Variants in SLC39A11 observed in about 807,000 individuals in gnomAD.
SLC39A11 encodes solute carrier family 39 member 11.
A neutral mutation model predicts 36.1 loss-of-function variants in SLC39A11; 33 were observed. The ratio of observed to expected loss-of-function variants is 0.91; its 90% CI spans 0.69 to 1.22. The LOEUF (loss-of-function observed/expected upper bound fraction) is 1.22. Among genes scored for constraint, SLC39A11 ranks in the 50% most tolerant of loss-of-function variants. SLC39A11 has a pLI of 0.00. For synonymous variants in SLC39A11, 166 were observed against 170.3 expected, an observed-to-expected ratio of 0.97 and a Z score of 0.20; for missense variants, 432 against 430.3, an observed-to-expected ratio of 1.00 and a Z score of -0.03.
chr17:72,945,778 G>A (rs559046219), intron 5 of SLC39A11, among the ~76,000 whole-genome samples: 1 of 152,294 alleles, frequency 6.6e-6, no homozygotes, highest in South Asian at 2.1e-4. Flanking sequence ...AGACCCAGCA[G>A]TACCCAGAGG....
intron 5 of SLC39A11, among the ~76,000 whole-genome samples, chr17:72,898,217 G>A (rs1356944509): frequency 6.6e-6 from 1 of 152,168 alleles, no homozygotes; most frequent in Non-Finnish European, 1.5e-5. Flanking sequence ...ATAGACACGT[G>A]GAAGGAAATG....
intron 4 of SLC39A11, among the ~76,000 whole-genome samples, chr17:72,988,149 T>C (rs79573398): frequency 6.6e-6 from 1 of 152,312 alleles, no homozygotes; most frequent in Non-Finnish European, 1.5e-5. Context: ...AATTACACTC[T>C]TTATTTTAAA....
intron 6 of SLC39A11, among the ~76,000 whole-genome samples, chr17:72,809,736 C>T (rs182833935): frequency 9.8e-5 from 15 of 152,292 alleles, no homozygotes; most frequent in Non-Finnish European, 1.5e-4. Flanking sequence ...GTCTGCTTAA[C>T]TATCCCAAGC....
At chr17:72,958,575 G>A (rs1478029058) in intron 4 of SLC39A11, among the ~76,000 whole-genome samples, 1 of 152,198 alleles carries the variant, frequency 6.6e-6, no homozygotes, top group Non-Finnish European at 1.5e-5. Flanking sequence ...AGATGGCCCG[G>A]CACAGTGGCT....
intron 6 of SLC39A11, among the ~76,000 whole-genome samples, chr17:72,804,733 A>G (rs2077196966): frequency 6.6e-6 from 1 of 152,172 alleles, no homozygotes; most frequent in Non-Finnish European, 1.5e-5. Flanking sequence ...GGTAAACTAA[A>G]TAATCTCCCG....
intron 5 of SLC39A11, among the ~76,000 whole-genome samples, chr17:72,870,020 T>TGTC (rs1555609635): frequency 5.9e-5 from 9 of 152,132 alleles, no homozygotes; most frequent in Non-Finnish European, 1.3e-4. Context: ...TTGCTTTTTT[T>TGTC]TTCTTCTTCT....
chr17:72,960,283 G>C (rs2086523369), intron 4 of SLC39A11, among the ~76,000 whole-genome samples: 1 of 152,118 alleles, frequency 6.6e-6, no homozygotes, highest in South Asian at 2.1e-4. Flanking sequence ...ATTAAAAAAT[G>C]ATTCAGTAGC....
intron 7 of SLC39A11, among the ~76,000 whole-genome samples, chr17:72,699,325 A>T (rs1279574391): frequency 6.6e-6 from 1 of 152,248 alleles, no homozygotes; most frequent in Non-Finnish European, 1.5e-5. Context: ...GAGTTTATGA[A>T]TTTGTGTTAG....
chr17:73,061,548 T>C (rs1440817580), intron 3 of SLC39A11, among the ~76,000 whole-genome samples: 1 of 152,238 alleles, frequency 6.6e-6, no homozygotes, highest in Admixed American at 6.5e-5. Context: ...TCAAATCACC[T>C]ATGATGACCT....
intron 6 of SLC39A11, among the ~76,000 whole-genome samples, chr17:72,820,471 C>T (rs1258011386): frequency 6.6e-6 from 1 of 151,194 alleles, no homozygotes; most frequent in East Asian, 1.9e-4. Context: ...CAGCTCAGAG[C>T]ACCCTCACAA....
At chr17:73,003,654 C>T (rs925542986) in intron 4 of SLC39A11, among the ~76,000 whole-genome samples, 1 of 152,094 alleles carries the variant, frequency 6.6e-6, no homozygotes, top group African/African-American at 2.4e-5. Flanking sequence ...GAGTCCTGGG[C>T]AGGACAATGA....
intron 6 of SLC39A11, among the ~76,000 whole-genome samples, chr17:72,748,564 A>C (rs2075034735): frequency 1.3e-5 from 2 of 152,238 alleles, no homozygotes; most frequent in African/African-American, 4.8e-5. Context: ...GCCTGACTCC[A>C]GCAGACTGCG....
intron 6 of SLC39A11, among the ~76,000 whole-genome samples, chr17:72,757,204 G>T (rs1268090620): frequency 6.6e-6 from 1 of 151,366 alleles, no homozygotes; most frequent in East Asian, 1.9e-4. Flanking sequence ...AAAATAAAAA[G>T]AAAAAAGTGG....
chr17:72,854,419 G>C (rs2079534793), intron 5 of SLC39A11, among the ~76,000 whole-genome samples: 1 of 152,094 alleles, frequency 6.6e-6, no homozygotes, highest in African/African-American at 2.4e-5. Context: ...AGCTCTCATT[G>C]CCTGTGACCA....
intron 4 of SLC39A11, among the ~76,000 whole-genome samples, chr17:72,967,048 C>T (rs1486421302): frequency 1.3e-5 from 2 of 152,094 alleles, no homozygotes; most frequent in East Asian, 1.9e-4. Flanking sequence ...GATCTGTCAC[C>T]GCCTCCCATC....
intron 5 of SLC39A11, among the ~76,000 whole-genome samples, chr17:72,915,426 G>A (rs576839778): frequency 6.6e-5 from 10 of 152,306 alleles, no homozygotes; most frequent in Non-Finnish European, 1.2e-4. Flanking sequence ...CTCTAGTCCC[G>A]GCTTTCCCCT....
intron 3 of SLC39A11, among the ~76,000 whole-genome samples, chr17:73,059,716 T>C (rs1345291881): frequency 2.7e-5 from 4 of 148,808 alleles, no homozygotes; most frequent in African/African-American, 9.9e-5. Context: ...AAAAAAAAGA[T>C]ATGTTTTTGT....
intron 5 of SLC39A11, among the ~76,000 whole-genome samples, chr17:72,898,853 CTT>C (rs2082167159): frequency 6.6e-6 from 1 of 152,232 alleles, no homozygotes; most frequent in African/African-American, 2.4e-5. Context: ...AACCCTCACT[CTT>C]TCCCCTGCAG....
At chr17:72,690,679 C>T (rs1455272665) in intron 7 of SLC39A11, among the ~76,000 whole-genome samples, 1 of 152,198 alleles carries the variant, frequency 6.6e-6, no homozygotes, top group Non-Finnish European at 1.5e-5. Flanking sequence ...TCCCCCAAAT[C>T]CTTCAGTGAC....
Sources: allele counts gnomAD v4.1 joint callset (sites outside exome capture counted in the v4.1 genomes callset), GRCh38; gene constraint gnomAD v4.1.1; transcripts MANE v1.5; gene names NCBI Gene and HGNC (gene_info 2026-07-23, HGNC 2026-07-21).